IL1RAPL1: variants seen among roughly 807,000 people sequenced by gnomAD.
The protein encoded by IL1RAPL1 is interleukin 1 receptor accessory protein like 1.
A neutral mutation model predicts 48.4 loss-of-function variants in IL1RAPL1; 3 were observed. The ratio of observed to expected loss-of-function variants is 0.06; its 90% CI spans 0.03 to 0.16. The LOEUF (loss-of-function observed/expected upper bound fraction) is 0.16. IL1RAPL1 is among the 10% of genes least tolerant of loss of function. The probability of loss-of-function intolerance (pLI) is 1.00; values close to 1 mark genes in which losing one functional copy is unlikely to be tolerated. For synonymous variants in IL1RAPL1, 185 were observed against 187.7 expected, an observed-to-expected ratio of 0.99 and a Z score of 0.12; for missense variants, 349 against 530.6, an observed-to-expected ratio of 0.66 and a Z score of 3.36.
intron 5 of IL1RAPL1, among the ~76,000 whole-genome samples, chrX:29,571,017 C>T (rs940357240): frequency 9.0e-6 from 1 of 111,588 alleles, no homozygotes; most frequent in African/African-American, 3.3e-5. Context: ...GTCAGCAGAT[C>T]GAGACCATCC....
At chrX:29,697,176 C>T (rs1291271582) in intron 6 of IL1RAPL1, among the ~76,000 whole-genome samples, 2 of 111,902 alleles carry the variant, frequency 1.8e-5, no homozygotes, top group Non-Finnish European at 3.8e-5. Context: ...TTTGAACACA[C>T]ACCTGGCAAG....
At chrX:28,850,323 G>A (rs991659436) in intron 2 of IL1RAPL1, among the ~76,000 whole-genome samples, 2 of 111,082 alleles carry the variant, frequency 1.8e-5, no homozygotes, top group Non-Finnish European at 1.9e-5. Flanking sequence ...TACTGGGCTC[G>A]AGATGCTGCT....
intron 3 of IL1RAPL1, among the ~76,000 whole-genome samples, chrX:29,370,734 A>G (rs1473282488): frequency 9.0e-6 from 1 of 111,013 alleles, no homozygotes; most frequent in East Asian, 2.8e-4. Context: ...AGGTCAAAAT[A>G]AATATTCATT....
intron 5 of IL1RAPL1, among the ~76,000 whole-genome samples, chrX:29,399,547 ACC>A (rs1200084447): frequency 2.8e-4 from 31 of 111,729 alleles, no homozygotes; most frequent in Non-Finnish European, 9.4e-5. Flanking sequence ...TGGGCCGGGC[ACC>A]GTGGCTCATG....
At chrX:28,632,886 CTTT>C (rs140847456) in intron 1 of IL1RAPL1, among the ~76,000 whole-genome samples, 4 of 40,627 alleles carry the variant, frequency 9.8e-5, no homozygotes, top group Admixed American at 3.5e-4. Context: ...TCACTGTATG[CTTT>C]TTTTTTTTTT....
chrX:28,910,738 C>T (rs1923340328), intron 2 of IL1RAPL1, among the ~76,000 whole-genome samples: 1 of 108,386 alleles, frequency 9.2e-6, no homozygotes, highest in African/African-American at 3.4e-5. Flanking sequence ...TAATTCATCA[C>T]TGTCCAATGG....
intron 6 of IL1RAPL1, among the ~76,000 whole-genome samples, chrX:29,802,906 T>TACATATATAC (rs1491105319): frequency 7.8e-4 from 26 of 33,170 alleles, no homozygotes; most frequent in African/African-American, 2.5e-3. Flanking sequence ...TATATATGTG[T>TACATATATAC]ATATATGTGT....
chrX:28,731,971 G>C (rs1935761206), intron 1 of IL1RAPL1, among the ~76,000 whole-genome samples: 1 of 111,487 alleles, frequency 9.0e-6, no homozygotes, highest in African/African-American at 3.3e-5. Flanking sequence ...CGACGCTACA[G>C]GCAGGGATGA....
At chrX:29,589,389 A>G (rs143870396) in intron 5 of IL1RAPL1, among the ~76,000 whole-genome samples, 5,639 of 111,558 alleles carry the variant, frequency 0.051, 185 homozygotes, top group African/African-American at 0.11. Flanking sequence ...TAATCCAAAC[A>G]GGCCATATCC....
intron 3 of IL1RAPL1, among the ~76,000 whole-genome samples, chrX:29,364,716 A>G (rs1933426374): frequency 9.0e-6 from 1 of 111,123 alleles, no homozygotes; most frequent in Non-Finnish European, 1.9e-5. Flanking sequence ...CATACATTGG[A>G]TTAGGTATTG....
At chrX:28,622,669 G>C (rs953802852) in intron 1 of IL1RAPL1, among the ~76,000 whole-genome samples, 9 of 111,661 alleles carry the variant, frequency 8.1e-5, no homozygotes, top group African/African-American at 2.9e-4. Flanking sequence ...GGTATAAAAT[G>C]CTATTGTGTT....
intron 1 of IL1RAPL1, among the ~76,000 whole-genome samples, chrX:28,683,412 AAGAT>A (rs1359634719): frequency 9.0e-6 from 1 of 111,449 alleles, no homozygotes; most frequent in Non-Finnish European, 1.9e-5. Context: ...AGAAAGAAAG[AAGAT>A]AGTGTACTTA....
At chrX:29,336,634 C>T (rs12009576) in intron 3 of IL1RAPL1, among the ~76,000 whole-genome samples, 7,525 of 109,683 alleles carry the variant, frequency 0.069, 615 homozygotes, top group African/African-American at 0.23. Context: ...AATGAAGACC[C>T]GAAGACCCAG....
At chrX:29,841,808 G>C (rs1931142225) in intron 6 of IL1RAPL1, among the ~76,000 whole-genome samples, 1 of 111,281 alleles carries the variant, frequency 9.0e-6, no homozygotes, top group South Asian at 3.8e-4. Context: ...GCTTTCCAAG[G>C]TTACCCCCAG....
At chrX:29,148,549 T>C (rs1196824613) in intron 2 of IL1RAPL1, among the ~76,000 whole-genome samples, 3 of 112,274 alleles carry the variant, frequency 2.7e-5, no homozygotes, top group African/African-American at 9.7e-5. Flanking sequence ...TAACTGCCCA[T>C]TTAAAGACTC....
chrX:29,504,677 T>G (rs1366775977), intron 5 of IL1RAPL1, among the ~76,000 whole-genome samples: 1 of 112,242 alleles, frequency 8.9e-6, no homozygotes, highest in African/African-American at 3.2e-5. Flanking sequence ...GTTTACCAGT[T>G]GCATGGAATA....
intron 6 of IL1RAPL1, among the ~76,000 whole-genome samples, chrX:29,722,557 T>C (rs1927663491): frequency 8.9e-6 from 1 of 112,263 alleles, no homozygotes; most frequent in Non-Finnish European, 1.9e-5. Flanking sequence ...AGATGCTATT[T>C]ATAGTATGTA....
intron 2 of IL1RAPL1, among the ~76,000 whole-genome samples, chrX:29,197,731 G>C (rs1409107755): frequency 1.1e-5 from 1 of 92,076 alleles, no homozygotes; most frequent in African/African-American, 4.5e-5. Flanking sequence ...TTTTTGAGAT[G>C]GAGTTTTGCT....
intron 5 of IL1RAPL1, among the ~76,000 whole-genome samples, chrX:29,405,589 A>G (rs992099540): frequency 1.9e-5 from 2 of 104,181 alleles, no homozygotes; most frequent in Non-Finnish European, 3.8e-5. Context: ...GATGGTCTCG[A>G]TCTCCTGACC....
Sources: allele counts gnomAD v4.1 joint callset (sites outside exome capture counted in the v4.1 genomes callset), GRCh38; gene constraint gnomAD v4.1.1; transcripts MANE v1.5; gene names NCBI Gene and HGNC (gene_info 2026-07-23, HGNC 2026-07-21).